The following ACACA variants were observed in gnomAD, a reference collection of about 807,000 sequenced individuals.
ACACA encodes the protein acetyl-CoA carboxylase 1.
Under a neutral mutation model 296.1 loss-of-function variants are expected in ACACA, and 103 were observed. The observed-to-expected ratio is 0.35, with a 90% CI of 0.30 to 0.41. ACACA has a LOEUF of 0.41. Ranked by LOEUF, ACACA falls within the 10% of genes least tolerant of loss-of-function variation. The pLI is 1.00. For synonymous variants in ACACA, 953 were observed against 1,038.6 expected (o/e 0.92, Z 1.58); for missense variants, 1,554 against 2,989.7 (o/e 0.52, Z 11.20).
intron 1 of ACACA, among the ~76,000 whole-genome samples, chr17:37,374,582 C>T (rs370234667): frequency 6.6e-6 from 1 of 152,124 alleles, no homozygotes. Flanking sequence ...CCACCGCGCC[C>T]GGCCCTTCAT....
Position 37,162,036 on chromosome 17 carries a change from A to G in ACACA, c.5094T>C (p.Ala1698=), listed in dbSNP as rs754841508. The G allele has an allele frequency of 1.2e-6, 2 of 1,614,206 alleles. No individual in the cohort carries two copies. Among genetic ancestry groups the G allele is most frequent in the East Asian group, 2.2e-5 (1 of 44,882 alleles). Residue 1698 remains alanine, a synonymous_variant, in exon 42 of 56, where the codon GCT becomes GCC. Coordinates refer to ENST00000616317, the MANE Select transcript of ACACA (RefSeq NM_198834.3). Reference sequence around the variant, plus strand: ...CAGGACTTTTAAAGGTCATTTTCCAAGCTACCATGCCAATCTGGAAAGGCA... The same window carrying G: ...CAGGACTTTTAAAGGTCATTTTCCAGGCTACCATGCCAATCTGGAAAGGCA... ...LPGGNEIGMV[A]WKMTFKSPEY... is the part of the protein sequence containing the mutation.
At chr17:37,144,894 A>T (rs1471329970) in intron 45 of ACACA, among the ~76,000 whole-genome samples, 1 of 152,170 alleles carries the variant, frequency 6.6e-6, no homozygotes, top group Non-Finnish European at 1.5e-5. Context: ...TATCACCTGC[A>T]TATCACTGCC....
At chr17:37,392,479 T>G (rs1274958461) in intron 1 of ACACA, 1 of 152,142 alleles carries the variant, frequency 6.6e-6, no homozygotes, top group Non-Finnish European at 1.5e-5. Context: ...CCTGCTTAAA[T>G]AAGAGTTTGG....
chr17:37,174,029 T>A (rs1306043580), intron 41 of ACACA, among the ~76,000 whole-genome samples: 3 of 86,384 alleles, frequency 3.5e-5, no homozygotes, highest in Admixed American at 1.2e-4. Context: ...TATTTTTTTT[T>A]TTTTTTTTTT....
intron 1 of ACACA, among the ~76,000 whole-genome samples, chr17:37,403,330 T>C (rs535225595): frequency 1.3e-5 from 2 of 152,134 alleles, no homozygotes; most frequent in East Asian, 3.9e-4. Flanking sequence ...TAATCAGTGT[T>C]ACCCTTCTTC....
At chr17:37,185,606 T>C (rs1186695103) in intron 39 of ACACA, among the ~76,000 whole-genome samples, 1 of 151,542 alleles carries the variant, frequency 6.6e-6, no homozygotes, top group African/African-American at 2.4e-5. Flanking sequence ...TCTTGCTCCA[T>C]TGCCCAGGTT....
intron 29 of ACACA, among the ~76,000 whole-genome samples, chr17:37,213,194 T>C (rs1467068778): frequency 6.6e-6 from 1 of 150,418 alleles, no homozygotes; most frequent in African/African-American, 2.4e-5. Context: ...CGCACACAAA[T>C]ATAAAAGTTA....
intron 52 of ACACA, among the ~76,000 whole-genome samples, chr17:37,108,491 C>A (rs1034355125): frequency 6.6e-6 from 1 of 151,818 alleles, no homozygotes; most frequent in Non-Finnish European, 1.5e-5. Context: ...CAGGTTCAAG[C>A]GATTCTCCTG....
chr17:37,162,649 G>A (rs529536170), intron 41 of ACACA: 14 of 286,140 alleles, frequency 4.9e-5, no homozygotes, highest in African/African-American at 2.8e-4. Context: ...AGAGTACAAG[G>A]TGGTGGGTTG....
chr17:37,274,293 C>T lies in ACACA; in HGVS notation c.908G>A (p.Arg303His), dbSNP rs73982299. The T allele has an allele frequency of 1.7e-4, 281 of 1,613,466 alleles. 2 individuals carry two copies. In the African/African-American group the frequency reaches 3.5e-3, roughly 20 times the overall value. ...PTLPWSGSGLRVDWQENDFSK... is the reference protein window; with the variant it reads ...PTLPWSGSGLHVDWQENDFSK... Reference sequence around the variant, plus strand: ...AAAATCATTTTCCTGCCAGTCCACACGAAGACCTGCAACAGACAATAGCAA... The same window carrying T: ...AAAATCATTTTCCTGCCAGTCCACATGAAGACCTGCAACAGACAATAGCAA... Residue 303 changes from arginine (R) to histidine (H), a missense_variant, in exon 9 of 56, where the codon CGT (arginine) becomes CAT (histidine). This residue lies in a region of ACACA where 47 missense variants were observed against 55.4 expected (regional missense o/e 0.85). Transcript: ENST00000616317.
At chr17:37,163,592 C>T (rs917879052) in intron 41 of ACACA, among the ~76,000 whole-genome samples, 1 of 152,176 alleles carries the variant, frequency 6.6e-6, no homozygotes, top group Non-Finnish European at 1.5e-5. Flanking sequence ...GCTCCTTGTA[C>T]TGTCCTCTAG....
chr17:37,301,966 G>A (rs1023049355), intron 3 of ACACA, among the ~76,000 whole-genome samples: 1 of 151,900 alleles, frequency 6.6e-6, no homozygotes, highest in Non-Finnish European at 1.5e-5. Flanking sequence ...CATTTATTTA[G>A]ATTTTATTTA....
chr17:37,233,556 A>G (rs1284996869), intron 25 of ACACA, among the ~76,000 whole-genome samples: 1 of 152,202 alleles, frequency 6.6e-6, no homozygotes, highest in African/African-American at 2.4e-5. Context: ...CACCATAATT[A>G]GCTTCCTATA....
At chr17:37,268,719 ATC>A (rs1211950359) in intron 10 of ACACA, among the ~76,000 whole-genome samples, 26 of 109,096 alleles carry the variant, frequency 2.4e-4, no homozygotes, top group Non-Finnish European at 3.8e-4. Context: ...ATCTATATCT[ATC>A]TATCTATCTA....
At chr17:37,112,152 T>C (rs2074011166) in intron 51 of ACACA, among the ~76,000 whole-genome samples, 1 of 151,954 alleles carries the variant, frequency 6.6e-6, no homozygotes, top group African/African-American at 2.4e-5. Context: ...CCAGGCCAAG[T>C]AGGAGGTAAA....
chr17:37,338,635 T>C (rs1245242089), intron 2 of ACACA, among the ~76,000 whole-genome samples: 2 of 148,278 alleles, frequency 1.3e-5, no homozygotes, highest in Admixed American at 1.4e-4. Flanking sequence ...AAAAAACCTT[T>C]AAAGGGCTCC....
At position 37,226,602 on chromosome 17, in the gene ACACA, A is replaced by G. The variant is rs1567845105; in HGVS notation, c.3247-150T>C. ...CTTCCTATTATTTTTACCCTAAACA[A>G]TGTGGTAAAGAAGATCCCAGAGGAA... On this transcript the variant is annotated intron_variant, in intron 25 of 55. Coordinates refer to ENST00000616317, the MANE Select transcript of ACACA (RefSeq NM_198834.3). 5.3e-6 allele frequency: 4 copies of G among 760,894 alleles called. No individual in the cohort carries two copies. In the Admixed American group the frequency reaches 6.5e-5, roughly 12 times the overall value. 47.1% of individuals were successfully genotyped at this position (760,894 alleles called of 1,614,324 possible). A position where few individuals can be genotyped will look rare whatever the true frequency, so the allele number is the denominator to read the frequency against.
At position 37,401,561 on chromosome 17, in the gene ACACA, CTT is replaced by C. The variant is rs34680925; in HGVS notation, c.38+4699_38+4700del. 2.1e-3 allele frequency among the ~76,000 whole-genome samples: 288 copies of C among 138,060 alleles called. 1 individual carries two copies. Among genetic ancestry groups the C allele is most frequent in the African/African-American group, 4.2e-3 (154 of 36,942 alleles). 90.6% of individuals were successfully genotyped at this position (138,060 alleles called of 152,430 possible). On this transcript the variant is annotated intron_variant, in intron 1 of 55. Coordinates refer to ENST00000616317, the MANE Select transcript of ACACA (RefSeq NM_198834.3). ...CCCATTCCGTAGGTTGTCTCTTTAC[CTT>C]TTTTTTTTTTTTTCCAGACGAGGTC...
chr17:37,302,367 GC>G (rs1362344080), intron 3 of ACACA, among the ~76,000 whole-genome samples: 2 of 151,922 alleles, frequency 1.3e-5, no homozygotes, highest in Non-Finnish European at 1.5e-5. Context: ...CTGCCACCAT[GC>G]CAGGCTAATA....
Sources: allele counts gnomAD v4.1 joint callset (sites outside exome capture counted in the v4.1 genomes callset), GRCh38; gene constraint gnomAD v4.1.1; regional missense constraint gnomAD v4.1.1; transcripts MANE v1.5; gene names NCBI Gene and HGNC (gene_info 2026-07-23, HGNC 2026-07-21).